Variants in SORCS3 observed in about 807,000 individuals in gnomAD.
SORCS3 encodes VPS10 domain-containing receptor SorCS3.
A neutral mutation model predicts 146.3 loss-of-function variants in SORCS3; 57 were observed. That is an observed-to-expected ratio of 0.39 (90% CI 0.31 to 0.49). The LOEUF (loss-of-function observed/expected upper bound fraction) is 0.49, where lower values mean the gene tolerates loss of function less well. SORCS3 is among the 20% of genes least tolerant of loss of function. SORCS3 has a pLI of 0.92. For missense variants in SORCS3, 1,341 were observed against 1,575.5 expected, an observed-to-expected ratio of 0.85 and a Z score of 2.52; for synonymous variants, 653 against 618.5, an observed-to-expected ratio of 1.06 and a Z score of -0.83.
At position 105,154,069 on chromosome 10, in the gene SORCS3, G is replaced by GAAAAAAA. The variant is rs59868914; in HGVS notation, c.1483-3056_1483-3050dup. ...CAGGTGACTGAGTGAGACTCCATCT[G>GAAAAAAA]AAAAAAAAAAAAAAAAAAAGAAACT... On this transcript the variant is annotated intron_variant, in intron 9 of 26. Transcript: ENST00000369701. Among the ~76,000 whole-genome samples, 170 of 76,080 alleles carry GAAAAAAA rather than the reference G, an allele frequency of 2.2e-3. 6 individuals are homozygous for GAAAAAAA. The highest frequency in any genetic ancestry group is 3.9e-3 in the South Asian group (7 of 1,790). The allele number at this position is 76,080 out of a possible 152,430, so 49.9% of individuals were successfully genotyped here.
At chr10:105,041,255 G>T (rs1053074758) in intron 4 of SORCS3, among the ~76,000 whole-genome samples, 1 of 148,618 alleles carries the variant, frequency 6.7e-6, no homozygotes, top group African/African-American at 2.4e-5. Flanking sequence ...AGACCAATTG[G>T]GATCTGTCTC....
chr10:105,229,439 T>C (rs1236627081), intron 20 of SORCS3, among the ~76,000 whole-genome samples: 1 of 152,188 alleles, frequency 6.6e-6, no homozygotes, highest in African/African-American at 2.4e-5. Context: ...GTTTTCTGTG[T>C]CCTTACATTG....
At chr10:105,199,441 G>A (rs769105748) in intron 14 of SORCS3, among the ~76,000 whole-genome samples, 1 of 152,106 alleles carries the variant, frequency 6.6e-6, no homozygotes, top group African/African-American at 2.4e-5. Context: ...ATTCATGTGC[G>A]TTAAACAATG....
chr10:104,649,094 A>G (rs186602209), intron 1 of SORCS3, among the ~76,000 whole-genome samples: 17 of 152,322 alleles, frequency 1.1e-4, no homozygotes, highest in Admixed American at 3.3e-4. Context: ...TAGTATGGGT[A>G]TATGGTACAA....
intron 1 of SORCS3, among the ~76,000 whole-genome samples, chr10:104,680,449 C>T (rs912094295): frequency 6.6e-6 from 1 of 152,174 alleles, no homozygotes. Flanking sequence ...AGCAGGCCAC[C>T]GACCTTCTCC....
intron 1 of SORCS3, among the ~76,000 whole-genome samples, chr10:104,726,935 G>A (rs2016643197): frequency 6.6e-6 from 1 of 152,112 alleles, no homozygotes; most frequent in Non-Finnish European, 1.5e-5. Context: ...ACCATCTCTA[G>A]TTATTGACAT....
chr10:105,084,855 C>G (rs759806735), intron 5 of SORCS3, among the ~76,000 whole-genome samples: 2 of 151,938 alleles, frequency 1.3e-5, no homozygotes, highest in African/African-American at 4.8e-5. Flanking sequence ...CTTAGCCTCC[C>G]GAGTAGCTGG....
intron 2 of SORCS3, among the ~76,000 whole-genome samples, chr10:104,913,766 C>CTTTTTTT (rs35484660): frequency 2.8e-5 from 3 of 106,454 alleles, no homozygotes; most frequent in Non-Finnish European, 5.5e-5. Flanking sequence ...TATCCCCATT[C>CTTTTTTT]TTTTTTTTTT....
chr10:105,259,996 C>A (rs1041857827), intron 25 of SORCS3, among the ~76,000 whole-genome samples: 2 of 152,140 alleles, frequency 1.3e-5, no homozygotes, highest in African/African-American at 4.8e-5. Flanking sequence ...ATATTCTCAA[C>A]AGTCCTACAA....
At chr10:104,992,667 T>A (rs2055001714) in intron 4 of SORCS3, among the ~76,000 whole-genome samples, 1 of 152,216 alleles carries the variant, frequency 6.6e-6, no homozygotes, top group Admixed American at 6.5e-5. Context: ...ACAGGAAATG[T>A]GTCTTCCTAT....
At chr10:105,200,407 GAGCTTTTTAC>G (rs1240651969) in intron 15 of SORCS3, among the ~76,000 whole-genome samples, 1 of 152,148 alleles carries the variant, frequency 6.6e-6, no homozygotes, top group Non-Finnish European at 1.5e-5. Context: ...ATGGAGAAAT[GAGCTTTTTAC>G]AGCTAGAAGG....
intron 1 of SORCS3, among the ~76,000 whole-genome samples, chr10:104,696,328 CA>C (rs1446342878): frequency 2.3e-5 from 2 of 86,890 alleles, no homozygotes; most frequent in East Asian, 7.1e-4. Flanking sequence ...ATATCATATA[CA>C]CATATGATAT....
chr10:105,080,710 A>G (rs1444257424), intron 5 of SORCS3, among the ~76,000 whole-genome samples: 2 of 151,790 alleles, frequency 1.3e-5, no homozygotes, highest in African/African-American at 4.8e-5. Context: ...TCTTGAGTTG[A>G]TTTTTGTGTA....
At chr10:104,838,284 T>C (rs982951311) in intron 1 of SORCS3, among the ~76,000 whole-genome samples, 2 of 152,070 alleles carry the variant, frequency 1.3e-5, no homozygotes, top group African/African-American at 4.8e-5. Flanking sequence ...CTCTCATCTC[T>C]TTCTGGTCCG....
chr10:104,842,195 T>C (rs1050732697), intron 1 of SORCS3, among the ~76,000 whole-genome samples: 5 of 152,346 alleles, frequency 3.3e-5, no homozygotes, highest in African/African-American at 1.2e-4. Context: ...TTCAATGATC[T>C]GCTTACTCCA....
chr10:105,233,196 C>G (rs2056774622), intron 20 of SORCS3, among the ~76,000 whole-genome samples: 1 of 151,852 alleles, frequency 6.6e-6, no homozygotes, highest in Non-Finnish European at 1.5e-5. Context: ...TTAAATAACA[C>G]TATACCACTT....
At chr10:105,112,001 A>G (rs2055862171) in intron 7 of SORCS3, among the ~76,000 whole-genome samples, 1 of 152,208 alleles carries the variant, frequency 6.6e-6, no homozygotes, top group African/African-American at 2.4e-5. Context: ...AAGTTGGAAA[A>G]TTGAACTGAA....
At chr10:104,847,844 A>T (rs373065390) in intron 2 of SORCS3, among the ~76,000 whole-genome samples, 2 of 152,136 alleles carry the variant, frequency 1.3e-5, no homozygotes, top group Non-Finnish European at 2.9e-5. Flanking sequence ...ACCAGACTGC[A>T]CAGCCATTCT....
chr10:104,850,393 G>A (rs1418782095), intron 2 of SORCS3, among the ~76,000 whole-genome samples: 1 of 152,154 alleles, frequency 6.6e-6, no homozygotes, highest in African/African-American at 2.4e-5. Flanking sequence ...GACCAGCCAG[G>A]GAAACATGGT....
Sources: allele counts gnomAD v4.1 joint callset (sites outside exome capture counted in the v4.1 genomes callset), GRCh38; gene constraint gnomAD v4.1.1; transcripts MANE v1.5; gene names NCBI Gene and HGNC (gene_info 2026-07-23, HGNC 2026-07-21).